The following PRDM6 variants were observed in gnomAD, a reference collection of about 807,000 sequenced individuals.
The protein encoded by PRDM6 is putative histone-lysine N-methyltransferase PRDM6.
In PRDM6, 25 loss-of-function variants were observed where a neutral mutation model predicts 60.8. The ratio of observed to expected loss-of-function variants is 0.41; its 90% confidence interval spans 0.30 to 0.57. The LOEUF is 0.57. Among genes scored for constraint, PRDM6 ranks in the 20% least tolerant of loss-of-function variants. The pLI, the probability that PRDM6 is intolerant of heterozygous loss-of-function variation, is 0.27. For synonymous variants in PRDM6, 407 were observed against 357.4 expected (o/e 1.14, Z -1.57); for missense variants, 839 against 821.3 (o/e 1.02, Z -0.26).
intron 3 of PRDM6, among the ~76,000 whole-genome samples, chr5:123,138,881 T>A (rs1765032929): frequency 1.3e-5 from 2 of 152,194 alleles, no homozygotes; most frequent in African/African-American, 2.4e-5. Context: ...GTACATGATA[T>A]GGTTTTGCTC....
At chr5:123,119,562 G>C (rs1295741908) in intron 3 of PRDM6, among the ~76,000 whole-genome samples, 1 of 152,146 alleles carries the variant, frequency 6.6e-6, no homozygotes, top group Non-Finnish European at 1.5e-5. Context: ...CCCCCTCTTG[G>C]AATTAGAGGA....
chr5:123,157,561 C>A (rs931844027), intron 4 of PRDM6, among the ~76,000 whole-genome samples: 2 of 152,150 alleles, frequency 1.3e-5, no homozygotes, highest in Non-Finnish European at 2.9e-5. Context: ...ACTATGAGCT[C>A]TCTCTGCCGA....
At chr5:123,156,226 C>T (rs930099815) in intron 4 of PRDM6, among the ~76,000 whole-genome samples, 4 of 152,058 alleles carry the variant, frequency 2.6e-5, no homozygotes, top group African/African-American at 9.7e-5. Flanking sequence ...TCGTAGATGG[C>T]CTCCTTCACT....
chr5:123,147,647 C>T (rs1580517963), intron 3 of PRDM6, among the ~76,000 whole-genome samples: 8 of 152,318 alleles, frequency 5.3e-5, no homozygotes, highest in Admixed American at 4.6e-4. Context: ...ACCAGTCAGA[C>T]ATCAGCTGGC....
At chr5:123,089,713 C>G (rs1014770478) in intron 1 of PRDM6, among the ~76,000 whole-genome samples, 194 bp downstream of exon 1, 2 of 152,094 alleles carry the variant, frequency 1.3e-5, no homozygotes, top group Non-Finnish European at 1.5e-5. Flanking sequence ...GTCCTGCAGC[C>G]GAGTTCTACG....
At chr5:123,166,841 A>G (rs1765763102) in intron 5 of PRDM6, among the ~76,000 whole-genome samples, 2 of 152,234 alleles carry the variant, frequency 1.3e-5, no homozygotes, top group African/African-American at 4.8e-5. Context: ...GTATCCTTTA[A>G]GGCTTTGAGA....
At chr5:123,155,775 C>T in intron 3 of PRDM6, 109 bp from the exon 4 acceptor site, 3 of 1,302,286 alleles carry the variant, frequency 2.3e-6, no homozygotes, top group Non-Finnish European at 3.1e-6. Flanking sequence ...ACTAGCAAAC[C>T]TAAGGGCAAT....
rs746748266 is a variant in PRDM6, at chr5:123,189,444, A to C, written c.*2243A>C. ...GTTCTCATGAGCTTCAGAACGTGGG[A>C]GAATGAGAAGGCTTCCCTCCTCCCT... On this transcript the variant is annotated 3_prime_UTR_variant, in exon 8 of 8. Transcript: ENST00000407847. The C allele has an allele frequency of 6.6e-6, 1 of 152,274 alleles. No individual in the cohort carries two copies. The highest frequency in any genetic ancestry group is 1.9e-4 in the East Asian group (1 of 5,186). 9.4% of individuals were successfully genotyped at this position (152,274 alleles called of 1,614,324 possible). A position where few individuals can be genotyped will look rare whatever the true frequency, so the allele number is the denominator to read the frequency against.
chr5:123,122,078 G>T (rs456850), intron 3 of PRDM6, among the ~76,000 whole-genome samples: 1 of 149,224 alleles, frequency 6.7e-6, no homozygotes, highest in Non-Finnish European at 1.5e-5. Flanking sequence ...CAGAAGAATC[G>T]TGTGAACCTG....
At chr5:123,125,639 T>G (rs1392359335) in intron 3 of PRDM6, among the ~76,000 whole-genome samples, 1 of 152,206 alleles carries the variant, frequency 6.6e-6, no homozygotes, top group African/African-American at 2.4e-5. Flanking sequence ...TGGGGGAAAT[T>G]GGAATTAGGA....
chr5:123,183,413 T>C (rs1766210777), intron 7 of PRDM6, among the ~76,000 whole-genome samples: 1 of 152,218 alleles, frequency 6.6e-6, no homozygotes, highest in African/African-American at 2.4e-5. Flanking sequence ...TCAAGATTAC[T>C]GCCATCCAAA....
chr5:123,135,091 A>G (rs1003074828), intron 3 of PRDM6, among the ~76,000 whole-genome samples: 1 of 152,144 alleles, frequency 6.6e-6, no homozygotes, highest in Non-Finnish European at 1.5e-5. Flanking sequence ...CTTGACTTAC[A>G]GGTTCATGAT....
chr5:123,115,035 C>A (rs992757625), intron 3 of PRDM6, among the ~76,000 whole-genome samples: 5 of 152,120 alleles, frequency 3.3e-5, no homozygotes, highest in Non-Finnish European at 7.4e-5. Flanking sequence ...TGCTTGAGGT[C>A]TGCTTGGGTG....
At chr5:123,161,634 A>C (rs1765633780) in intron 5 of PRDM6, among the ~76,000 whole-genome samples, 1 of 152,170 alleles carries the variant, frequency 6.6e-6, no homozygotes, top group Non-Finnish European at 1.5e-5. Context: ...GGCATGTTGG[A>C]AGAGCATCAC....
At position 123,142,903 on chromosome 5, in the gene PRDM6, C is replaced by CAAAAAAAAAAAAAAAAAAAAAAAAAAA. The variant is rs1337695138; in HGVS notation, c.901-12978_901-12977insAAAAAAAAAAAAAAAAAAAAAAAAAAA. Among the ~76,000 whole-genome samples the CAAAAAAAAAAAAAAAAAAAAAAAAAAA allele has an allele frequency of 3.1e-4, 21 of 68,114 alleles. 1 individual carries two copies. The highest frequency in any genetic ancestry group is 3.6e-4 in the African/African-American group (6 of 16,898). The allele number at this position is 68,114 out of a possible 152,430, so 44.7% of individuals were successfully genotyped here. A position where few individuals can be genotyped will look rare whatever the true frequency, so the allele number is the denominator to read the frequency against. ...AAAAAAAAAAAAAAAAAAAAAAAAA[C>CAAAAAAAAAAAAAAAAAAAAAAAAAAA]AAACAAACCAAAGCAAAACAAAACA... On this transcript the variant is annotated intron_variant, in intron 3 of 7. Coordinates refer to ENST00000407847, the MANE Select transcript of PRDM6 (RefSeq NM_001136239.4).
chr5:123,140,811 G>A (rs1765080186), intron 3 of PRDM6, among the ~76,000 whole-genome samples: 1 of 152,084 alleles, frequency 6.6e-6, no homozygotes, highest in South Asian at 2.1e-4. Flanking sequence ...CTCTTGCTGA[G>A]ACTTAGGCTT....
intron 3 of PRDM6, among the ~76,000 whole-genome samples, chr5:123,111,735 C>G (rs1284442278): frequency 1.3e-5 from 2 of 151,926 alleles, no homozygotes; most frequent in African/African-American, 4.8e-5. Flanking sequence ...CCAGTCTCGT[C>G]CTTTCTCTTC....
At chr5:123,136,077 G>T (rs572691823) in intron 3 of PRDM6, among the ~76,000 whole-genome samples, 4 of 152,302 alleles carry the variant, frequency 2.6e-5, no homozygotes, top group Non-Finnish European at 5.9e-5. Flanking sequence ...TCACTGTTCT[G>T]CTAGACGTGC....
intron 3 of PRDM6, among the ~76,000 whole-genome samples, chr5:123,109,278 A>G (rs1764257196): frequency 6.6e-6 from 1 of 152,168 alleles, no homozygotes; most frequent in Non-Finnish European, 1.5e-5. Flanking sequence ...CATTAGTGAA[A>G]CAACTTAATT....
Sources: allele counts gnomAD v4.1 joint callset (sites outside exome capture counted in the v4.1 genomes callset), GRCh38; gene constraint gnomAD v4.1.1; transcripts MANE v1.5; gene names NCBI Gene and HGNC (gene_info 2026-07-23, HGNC 2026-07-21).